Variants in TLK1 observed in about 807,000 individuals in gnomAD.
The protein encoded by TLK1 is serine/threonine-protein kinase tousled-like 1.
TLK1 carries 24 observed loss-of-function variants against 105.3 expected under a neutral mutation model. That is an observed-to-expected ratio of 0.23 (90% CI 0.17 to 0.32). TLK1 has a LOEUF of 0.32. Among genes scored for constraint, TLK1 ranks in the 10% least tolerant of loss-of-function variants. TLK1 has a pLI of 1.00. For synonymous variants in TLK1, 321 were observed against 310.4 expected (o/e 1.03, Z -0.36); for missense variants, 558 against 910.5 (o/e 0.61, Z 4.98).
Position 171,115,170 on chromosome 2 carries a change from C to CTTTTTTTTTTT in TLK1, c.258+2568_258+2569insAAAAAAAAAAA, listed in dbSNP as rs373796060. Among the ~76,000 whole-genome samples, 43 of 135,784 alleles carry CTTTTTTTTTTT rather than the reference C, an allele frequency of 3.2e-4. 4 individuals are homozygous for CTTTTTTTTTTT. The highest frequency in any genetic ancestry group is 5.4e-4 in the African/African-American group (18 of 33,178). The allele number at this position is 135,784 out of a possible 152,430, so 89.1% of individuals were successfully genotyped here. ...ATCTTGCTTCATCTTTTAAGAATTTCTTTCTTTTTTTTTTTTTTGAGACTG... is the reference window on the plus strand; with the variant it reads ...ATCTTGCTTCATCTTTTAAGAATTTCTTTTTTTTTTTTTTCTTTTTTTTTTTTTTGAGACTG... On this transcript the variant is annotated intron_variant, in intron 2 of 20. Coordinates refer to ENST00000431350, the MANE Select transcript of TLK1 (RefSeq NM_012290.5).
intron 1 of TLK1, among the ~76,000 whole-genome samples, chr2:171,228,378 A>G (rs1693937587): frequency 6.6e-6 from 1 of 151,918 alleles, no homozygotes; most frequent in Admixed American, 6.6e-5. Flanking sequence ...ACACTGAAAG[A>G]CCTCATCTCT....
intron 1 of TLK1, among the ~76,000 whole-genome samples, chr2:171,209,664 G>A (rs1333116164): frequency 6.6e-6 from 1 of 152,100 alleles, no homozygotes; most frequent in Non-Finnish European, 1.5e-5. Flanking sequence ...ATTATAATGA[G>A]TTACAGTGAG....
At chr2:171,211,928 C>T (rs939582348) in intron 1 of TLK1, among the ~76,000 whole-genome samples, 5 of 151,438 alleles carry the variant, frequency 3.3e-5, no homozygotes, top group African/African-American at 9.7e-5. Context: ...TCACTGCAAC[C>T]GCTGCCTCCT....
At position 171,160,454 on chromosome 2, in the gene TLK1, C is replaced by T. The variant is rs760762450; in HGVS notation, c.-26G>A. ...CAAGCTACTTTCTGGGAACCCGACT[C>T]CCCCCCTGCGACGGCAGCGGCGGCA... On this transcript the variant is annotated 5_prime_UTR_variant, in exon 1 of 21. Coordinates refer to ENST00000431350, the MANE Select transcript of TLK1 (RefSeq NM_012290.5). The surrounding 1 kb of genome is among the most constrained non-coding windows in gnomAD (Gnocchi z 4.4). 5.7e-5 allele frequency: 90 copies of T among 1,580,644 alleles called. No homozygotes were observed. The East Asian group carries it at 1.1e-3, about 20-fold the overall frequency.
At chr2:171,076,174 T>C (rs577169886) in intron 3 of TLK1, among the ~76,000 whole-genome samples, 1 of 147,352 alleles carries the variant, frequency 6.8e-6, no homozygotes, top group African/African-American at 2.5e-5. Flanking sequence ...GCCAAGATCA[T>C]GCCACTGCAC....
chr2:171,193,432 T>C (rs1386758081), intron 1 of TLK1, among the ~76,000 whole-genome samples: 1 of 151,354 alleles, frequency 6.6e-6, no homozygotes, highest in Non-Finnish European at 1.5e-5. Context: ...AGTCCCGTTC[T>C]GTAGCCCAGG....
intron 2 of TLK1, among the ~76,000 whole-genome samples, chr2:171,085,107 T>C (rs6733178): frequency 0.4 from 60,603 of 152,038 alleles, 13,662 homozygotes; most frequent in African/African-American, 0.6. Context: ...ATGTCTCTGA[T>C]GGCTGGGCAC....
In TLK1 at chr2:170,997,802, A is replaced by AAAAC. The variant is rs1684135707; in HGVS notation, c.1922_1925dup (p.Phe642LeufsTer16). The stretch of plus-strand genomic sequence containing the variant: ...TCTTTGGTGGCTCTTTTCCAACTAC[A>AAAAC]AAACACTCAGGAGGTAAATACCTGT... On this transcript the variant is annotated frameshift_variant, in exon 19 of 21. Transcript: ENST00000431350. LOFTEE classifies it high-confidence loss of function. 6.2e-7 allele frequency: 1 copy of AAAAC among 1,610,620 alleles called. No individual in the cohort carries two copies. The highest frequency in any genetic ancestry group is 8.5e-7 in the Non-Finnish European group (1 of 1,178,024).
chr2:171,077,511 T>C (rs1412996426), intron 3 of TLK1, among the ~76,000 whole-genome samples: 1 of 152,226 alleles, frequency 6.6e-6, no homozygotes, highest in Non-Finnish European at 1.5e-5. Flanking sequence ...CACTTTCTAA[T>C]TTCTCCTCAA....
At chr2:171,045,247 T>G (rs1482866903) in intron 11 of TLK1, 2 of 89,782 alleles carry the variant, frequency 2.2e-5, no homozygotes, top group Non-Finnish European at 4.9e-5. Context: ...TTTTTTTTTT[T>G]TGAGAAAGTC....
Position 170,993,815 on chromosome 2 carries a change from G to A in TLK1, c.2266C>T (p.Pro756Ser), listed in dbSNP as rs773503181. The A allele has an allele frequency of 2.5e-6, 4 of 1,609,882 alleles. No individual in the cohort carries two copies. Among genetic ancestry groups the A allele is most frequent in the Admixed American group, 1.7e-5 (1 of 59,534 alleles). The stretch of plus-strand genomic sequence containing the variant: ...ATTATGCTTGAAGAAGGGGGTGTAG[G>A]GGATGCTGTCAGCCCAGCCATGTGT... ...NLHMAGLTAS[P>S]TPPSSSIITY The change falls in exon 21 of 21, where the codon CCT becomes TCT. Residue 756 changes from proline to serine, a missense_variant. This residue lies in a region of TLK1 where 27 missense variants were observed against 22.5 expected (regional missense o/e 1.20). Transcript: ENST00000431350.
chr2:171,167,881 A>G (rs1692638255), intron 1 of TLK1, among the ~76,000 whole-genome samples: 1 of 152,196 alleles, frequency 6.6e-6, no homozygotes, highest in South Asian at 2.1e-4. Context: ...ACAAGCAAAC[A>G]GTGCTCATAT....
At chr2:171,221,399 T>C (rs1693808251) in intron 1 of TLK1, among the ~76,000 whole-genome samples, 1 of 152,176 alleles carries the variant, frequency 6.6e-6, no homozygotes, top group Non-Finnish European at 1.5e-5. Flanking sequence ...GGAGTGCCTA[T>C]TGTGGTACTG....
intron 1 of TLK1, among the ~76,000 whole-genome samples, chr2:171,132,153 C>T (rs1691128488): frequency 6.6e-6 from 1 of 152,034 alleles, no homozygotes; most frequent in African/African-American, 2.4e-5. Flanking sequence ...CTGAGGAAGC[C>T]TCAGGAAACT....
chr2:171,096,119 T>C (rs74453493), intron 2 of TLK1, among the ~76,000 whole-genome samples: 3 of 152,190 alleles, frequency 2.0e-5, no homozygotes, highest in Admixed American at 6.5e-5. Flanking sequence ...ATTGTATATA[T>C]GGATAACCCT....
intron 11 of TLK1, among the ~76,000 whole-genome samples, chr2:171,041,572 C>T (rs912660396): frequency 2.6e-5 from 4 of 152,320 alleles, no homozygotes; most frequent in Middle Eastern, 3.4e-3. Context: ...AGAGCACAAA[C>T]CCTATTGTGA....
upstream of TLK1, among the ~76,000 whole-genome samples, chr2:171,161,896 G>C (rs1427416743): frequency 6.6e-6 from 1 of 152,152 alleles, no homozygotes; most frequent in Non-Finnish European, 1.5e-5. Context: ...GTACAACAAG[G>C]TTATTTCTCT....
At chr2:171,138,298 TACA>T in intron 1 of TLK1, among the ~76,000 whole-genome samples, 1 of 152,318 alleles carries the variant, frequency 6.6e-6, no homozygotes, top group South Asian at 2.1e-4. Flanking sequence ...CTAATATACT[TACA>T]ACGACATATT....
intron 11 of TLK1, among the ~76,000 whole-genome samples, chr2:171,031,330 A>G (rs1686036137): frequency 6.6e-6 from 1 of 152,236 alleles, no homozygotes; most frequent in Non-Finnish European, 1.5e-5. Flanking sequence ...ACTGGGAACA[A>G]TCTTCTTTAA....
Sources: gnomAD v4.1 joint callset for allele counts (sites outside exome capture counted in the v4.1 genomes callset) on GRCh38, gnomAD v4.1.1 for gene constraint, gnomAD v4.1.1 regional missense constraint, Gnocchi (gnomAD v3.1) non-coding constraint, MANE v1.5 for transcripts, NCBI Gene and HGNC (gene_info 2026-07-23, HGNC 2026-07-21) for gene names.